TNR: variants seen among roughly 807,000 people sequenced by gnomAD.
TNR encodes the protein tenascin R.
A neutral mutation model predicts 150.4 loss-of-function variants in TNR; 45 were observed. That is an observed-to-expected ratio of 0.30 (90% confidence interval 0.24 to 0.38). The LOEUF (loss-of-function observed/expected upper bound fraction) is 0.38, where lower values mean the gene tolerates loss of function less well. Ranked by LOEUF, TNR falls within the 10% of genes least tolerant of loss-of-function variation. TNR has a pLI of 1.00. For synonymous variants in TNR, 687 were observed against 678.4 expected (o/e 1.01, Z -0.20); for missense variants, 1,544 against 1,759.1 (o/e 0.88, Z 2.19).
chr1:175,435,731 C>T (rs1359078878), intron 2 of TNR, among the ~76,000 whole-genome samples: 1 of 152,148 alleles, frequency 6.6e-6, no homozygotes, highest in African/African-American at 2.4e-5. Flanking sequence ...TTCTTCCTAG[C>T]CTTGATGCCT....
chr1:175,478,967 G>A (rs1657664329), intron 2 of TNR, among the ~76,000 whole-genome samples: 1 of 152,150 alleles, frequency 6.6e-6, no homozygotes, highest in Admixed American at 6.6e-5. Context: ...ACATTAGTCT[G>A]TGTACTCTTA....
At chr1:175,568,317 T>TC (rs1661722867) in intron 1 of TNR, among the ~76,000 whole-genome samples, 1 of 151,908 alleles carries the variant, frequency 6.6e-6, no homozygotes, top group Non-Finnish European at 1.5e-5. Context: ...TTTTTTTTTT[T>TC]CTTTTTCCTT....
chr1:175,378,678 G>A (rs1410369826), intron 9 of TNR, among the ~76,000 whole-genome samples: 3 of 152,284 alleles, frequency 2.0e-5, no homozygotes, highest in East Asian at 3.9e-4. Flanking sequence ...GAGGGAAAAC[G>A]TATTTGAGAA....
At chr1:175,625,351 A>G (rs1001992639) in intron 1 of TNR, among the ~76,000 whole-genome samples, 6 of 152,256 alleles carry the variant, frequency 3.9e-5, no homozygotes, top group African/African-American at 1.4e-4. Context: ...GGGCCCTGTC[A>G]AAGCGAATAT....
intron 2 of TNR, among the ~76,000 whole-genome samples, chr1:175,473,595 A>G (rs1383576354): frequency 6.6e-6 from 1 of 152,176 alleles, no homozygotes; most frequent in Admixed American, 6.5e-5. Context: ...GAAGATGGCC[A>G]AGGCCCAAAT....
chr1:175,677,483 C>T (rs536136544), intron 1 of TNR, among the ~76,000 whole-genome samples: 1 of 152,332 alleles, frequency 6.6e-6, no homozygotes, highest in African/African-American at 2.4e-5. Context: ...CCCATCAGAG[C>T]ACATCACTCC....
At chr1:175,574,579 T>C (rs1662026116) in intron 1 of TNR, among the ~76,000 whole-genome samples, 1 of 151,336 alleles carries the variant, frequency 6.6e-6, no homozygotes, top group Non-Finnish European at 1.5e-5. Flanking sequence ...CAGTACACAC[T>C]TGTACATACA....
intron 2 of TNR, among the ~76,000 whole-genome samples, chr1:175,466,440 A>G (rs1393611591): frequency 6.6e-6 from 1 of 152,202 alleles, no homozygotes; most frequent in Middle Eastern, 3.2e-3. Flanking sequence ...ACAAACCTGC[A>G]GTGCTTCCGT....
At chr1:175,451,739 T>C (rs1380601221) in intron 2 of TNR, among the ~76,000 whole-genome samples, 1 of 152,218 alleles carries the variant, frequency 6.6e-6, no homozygotes, top group African/African-American at 2.4e-5. Context: ...TTGGCAGGAT[T>C]GTAGCTCTTA....
At chr1:175,336,146 G>T (rs978253341) in intron 19 of TNR, among the ~76,000 whole-genome samples, 4 of 152,306 alleles carry the variant, frequency 2.6e-5, no homozygotes, top group South Asian at 4.2e-4. Flanking sequence ...GCTCTCAAAC[G>T]AATCTTTTGC....
intron 2 of TNR, among the ~76,000 whole-genome samples, chr1:175,451,771 CAAGCCTGA>C (rs1656334984): frequency 6.6e-6 from 1 of 152,130 alleles, no homozygotes; most frequent in South Asian, 2.1e-4. Flanking sequence ...GAAATCAAGC[CAAGCCTGA>C]AAAATGACTT....
At chr1:175,671,855 C>T (rs939503957) in intron 1 of TNR, among the ~76,000 whole-genome samples, 1 of 151,910 alleles carries the variant, frequency 6.6e-6, no homozygotes, top group African/African-American at 2.4e-5. Flanking sequence ...CCCAAGCTGG[C>T]ACCTGTAGGC....
At chr1:175,497,777 T>C (rs571795967) in intron 2 of TNR, among the ~76,000 whole-genome samples, 1 of 152,290 alleles carries the variant, frequency 6.6e-6, no homozygotes, top group South Asian at 2.1e-4. Context: ...AAACACCTCC[T>C]GGCTGGGCAT....
At chr1:175,374,228 A>T (rs1316745391) in intron 9 of TNR, among the ~76,000 whole-genome samples, 1 of 152,190 alleles carries the variant, frequency 6.6e-6, no homozygotes. Context: ...CTTCCCCTGC[A>T]GACAAGCACG....
intron 2 of TNR, among the ~76,000 whole-genome samples, chr1:175,409,118 C>T (rs143459501): frequency 4.6e-5 from 7 of 152,252 alleles, no homozygotes; most frequent in Middle Eastern, 3.2e-3. Context: ...CTTTCTTGAG[C>T]ATCACTTCTA....
At chr1:175,362,312 C>T (rs982206142) in intron 14 of TNR, among the ~76,000 whole-genome samples, 2 of 152,134 alleles carry the variant, frequency 1.3e-5, no homozygotes, top group Non-Finnish European at 1.5e-5. Flanking sequence ...CTTTTCTTCT[C>T]GAGGTGAAAT....
At chr1:175,373,781 G>T (rs1285317461) in intron 9 of TNR, among the ~76,000 whole-genome samples, 1 of 152,138 alleles carries the variant, frequency 6.6e-6, no homozygotes, top group Admixed American at 6.5e-5. Context: ...TTCCCACCTG[G>T]CTTTTCCCCC....
chr1:175,742,881 CA>C (rs145073665), intron 1 of TNR, among the ~76,000 whole-genome samples: 7,748 of 151,868 alleles, frequency 0.051, 609 homozygotes, highest in African/African-American at 0.17. Flanking sequence ...CGCTTATCTA[CA>C]GACAAAAAGA....
At chr1:175,375,376 T>G (rs747431665) in intron 9 of TNR, among the ~76,000 whole-genome samples, 1 of 152,072 alleles carries the variant, frequency 6.6e-6, no homozygotes, top group Admixed American at 6.6e-5. Context: ...CAGAAGCCAC[T>G]AGAGCAGAGA....
Sources: allele counts gnomAD v4.1 joint callset (sites outside exome capture counted in the v4.1 genomes callset), GRCh38; gene constraint gnomAD v4.1.1; transcripts MANE v1.5; gene names NCBI Gene and HGNC (gene_info 2026-07-23, HGNC 2026-07-21).